Variants in JPH3 observed in about 807,000 individuals in gnomAD.
JPH3 encodes junctophilin-3.
In JPH3, 11 loss-of-function variants were observed where a neutral mutation model predicts 59.6. The observed-to-expected ratio is 0.18, with a 90% confidence interval of 0.12 to 0.31. The LOEUF (loss-of-function observed/expected upper bound fraction) is 0.31, where lower values mean the gene tolerates loss of function less well. JPH3 is among the 10% of genes least tolerant of loss of function. JPH3 has a pLI of 1.00. For synonymous variants in JPH3, 673 were observed against 483.6 expected, an observed-to-expected ratio of 1.39 and a Z score of -5.14; for missense variants, 1,202 against 1,105.7, an observed-to-expected ratio of 1.09 and a Z score of -1.24.
Position 87,690,261 on chromosome 16 carries a change from G to A in JPH3, c.1901G>A (p.Gly634Asp), listed in dbSNP as rs1383673369. Residue 634 changes from glycine to aspartate, a missense_variant, in exon 4 of 5, where the codon GGC becomes GAC. Transcript: ENST00000284262. ...HPQKRRYSKG[G>D]ACRGLGDDHR... ...CAGAAAAGACGCTACAGCAAGGGCG[G>A]CGCCTGCCGGGGCTTGGGGGACGAC... 3 of 1,602,996 alleles carry A rather than the reference G, an allele frequency of 1.9e-6. No individual in the cohort carries two copies. Among genetic ancestry groups the A allele is most frequent in the Admixed American group, 1.7e-5 (1 of 58,868 alleles).
At position 87,651,187 on chromosome 16, in the gene JPH3, C is replaced by T. The variant is rs941290774; in HGVS notation, c.1160+6152C>T. Among the ~76,000 whole-genome samples the T allele has an allele frequency of 2.0e-5, 3 of 152,280 alleles. No individual in the cohort carries two copies. In the South Asian group the frequency reaches 6.2e-4, roughly 32 times the overall value. On this transcript the variant is annotated intron_variant, in intron 2 of 4. Transcript: ENST00000284262. The stretch of plus-strand genomic sequence containing the variant: ...GGCTGCACGGCTTACAGCATGGTTT[C>T]CAGAATAGTTTTAAGCCCAGTGTTG...
At chr16:87,675,461 T>A (rs2033121080) in intron 2 of JPH3, among the ~76,000 whole-genome samples, 1 of 152,142 alleles carries the variant, frequency 6.6e-6, no homozygotes. Flanking sequence ...ATATCCAGCA[T>A]GTGGGTGTGC....
Position 87,603,005 on chromosome 16 carries a change from C to T in JPH3, c.-142C>T, listed in dbSNP as rs1555532732. 4.8e-6 allele frequency: 5 copies of T among 1,036,450 alleles called. No individual in the cohort carries two copies. Among genetic ancestry groups the T allele is most frequent in the Non-Finnish European group, 6.8e-6 (5 of 736,576 alleles). The allele number at this position is 1,036,450 out of a possible 1,614,324, so 64.2% of individuals were successfully genotyped here. On this transcript the variant is annotated 5_prime_UTR_variant, in exon 1 of 5. Coordinates refer to ENST00000284262, the MANE Select transcript of JPH3 (RefSeq NM_020655.4). ...GGAGCCGGCGCCGCGGCCGCCCGCG[C>T]CCGAGACCGCGCTCCGGGGCCGCGT...
At chr16:87,674,993 C>G (rs1017325974) in intron 2 of JPH3, among the ~76,000 whole-genome samples, 2 of 152,110 alleles carry the variant, frequency 1.3e-5, no homozygotes, top group African/African-American at 4.8e-5. Context: ...AACTCCTGAC[C>G]TCAGGTGATC....
At chr16:87,663,486 G>T (rs556013225) in intron 2 of JPH3, among the ~76,000 whole-genome samples, 126 of 152,214 alleles carry the variant, frequency 8.3e-4, no homozygotes, top group Non-Finnish European at 1.4e-3. Context: ...GTTCCAGCAT[G>T]ATTGATATAT....
chr16:87,651,736 G>T (rs2032330649), intron 2 of JPH3, among the ~76,000 whole-genome samples: 1 of 152,238 alleles, frequency 6.6e-6, no homozygotes, highest in African/African-American at 2.4e-5. Context: ...CGAGAAAATG[G>T]TTTCTTGCGA....
At chr16:87,631,397 T>TG (rs1227799476) in intron 1 of JPH3, among the ~76,000 whole-genome samples, 1 of 152,228 alleles carries the variant, frequency 6.6e-6, no homozygotes, top group Non-Finnish European at 1.5e-5. Context: ...GCTCATAATT[T>TG]GGGGCGGTGG....
intron 1 of JPH3, among the ~76,000 whole-genome samples, chr16:87,626,805 A>C (rs904789797): frequency 1.2e-4 from 19 of 152,216 alleles, no homozygotes; most frequent in African/African-American, 3.9e-4. Context: ...AGCTTCACTC[A>C]GGCACAGCTC....
chr16:87,629,837 T>C (rs972339405), intron 1 of JPH3, among the ~76,000 whole-genome samples: 19 of 152,154 alleles, frequency 1.2e-4, no homozygotes, highest in African/African-American at 3.9e-4. Context: ...TGGTTAATAA[T>C]GTATCTGTCT....
rs1177940719 is a variant in JPH3, at chr16:87,689,959, G to A, written c.1599G>A (p.Glu533=). 1.4e-6 allele frequency: 2 copies of A among 1,450,998 alleles called. No individual in the cohort carries two copies. Among genetic ancestry groups the A allele is most frequent in the Non-Finnish European group, 1.8e-6 (2 of 1,105,186 alleles). 89.9% of individuals were successfully genotyped at this position (1,450,998 alleles called of 1,614,324 possible). A position where few individuals can be genotyped will look rare whatever the true frequency, so the allele number is the denominator to read the frequency against. ...ACTGCGCCCGCAGCAGCTGGGGCGA[G>A]GAGCAGGCCGGGGGCTCCAGGGGTG... The part of the protein sequence containing the change: ...AGDCARSSWG[E]EQAGGSRGVR... Residue 533 remains glutamate (E), a synonymous_variant, in exon 4 of 5, where the codon GAG becomes GAA. Coordinates refer to ENST00000284262, the MANE Select transcript of JPH3 (RefSeq NM_020655.4).
intron 1 of JPH3, among the ~76,000 whole-genome samples, chr16:87,627,865 C>T (rs1377815188): frequency 1.3e-5 from 2 of 152,222 alleles, no homozygotes; most frequent in East Asian, 1.9e-4. Flanking sequence ...GTAACAGCAT[C>T]AGCCAGGCAC....
rs1044813402 is a variant in JPH3, at chr16:87,638,809, G to A, written c.383-5449G>A. 5.9e-5 allele frequency among the ~76,000 whole-genome samples: 9 copies of A among 152,176 alleles called. No individual in the cohort carries two copies. In the East Asian group the frequency reaches 1.2e-3, roughly 20 times the overall value. On this transcript the variant is annotated intron_variant, in intron 1 of 4. Transcript: ENST00000284262. ...TGAGAATTCAGGGACAGGACACAGC[G>A]AAGGTGCCCCAGTCCCCCTTCCTGA... is the stretch of plus-strand genomic sequence containing the variant.
chr16:87,688,546 A>T (rs1234101896), intron 3 of JPH3, among the ~76,000 whole-genome samples: 4 of 151,742 alleles, frequency 2.6e-5, no homozygotes, highest in African/African-American at 7.3e-5. Flanking sequence ...AGAATGTCCG[A>T]GCGTGAGAGA....
intron 1 of JPH3, among the ~76,000 whole-genome samples, chr16:87,629,545 GA>G (rs1038385952): frequency 6.6e-6 from 1 of 152,150 alleles, no homozygotes; most frequent in Non-Finnish European, 1.5e-5. Context: ...TGACGACGCG[GA>G]GCAGCCTTCA....
chr16:87,604,365 C>T, intron 1 of JPH3: 4 of 1,442,830 alleles, frequency 2.8e-6, no homozygotes, highest in Non-Finnish European at 3.7e-6. Context: ...TTGGCCGGCT[C>T]TGCAGCTGCC....
chr16:87,676,514 T>C (rs117186386), intron 2 of JPH3, among the ~76,000 whole-genome samples: 9,112 of 152,172 alleles, frequency 0.06, 370 homozygotes, highest in South Asian at 0.15. Flanking sequence ...CGCAGGTGGA[T>C]CACGAGGTCA....
At chr16:87,618,072 G>A (rs748850813) in intron 1 of JPH3, among the ~76,000 whole-genome samples, 27 of 152,166 alleles carry the variant, frequency 1.8e-4, no homozygotes, top group Non-Finnish European at 3.4e-4. Context: ...GCTGAGGTGG[G>A]AGAATCACTT....
At chr16:87,616,222 G>GTGTT (rs2030958891) in intron 1 of JPH3, among the ~76,000 whole-genome samples, 2 of 145,760 alleles carry the variant, frequency 1.4e-5, no homozygotes, top group Admixed American at 1.4e-4. Flanking sequence ...GTGTGTGTGT[G>GTGTT]TGTGTGTGTG....
chr16:87,635,240 G>A (rs569836808), intron 1 of JPH3, among the ~76,000 whole-genome samples: 1 of 152,332 alleles, frequency 6.6e-6, no homozygotes, highest in African/African-American at 2.4e-5. Context: ...TGGAGGTGTT[G>A]ACCTGGGGCA....
Sources: allele counts gnomAD v4.1 joint callset (sites outside exome capture counted in the v4.1 genomes callset), GRCh38; gene constraint gnomAD v4.1.1; transcripts MANE v1.5; gene names NCBI Gene and HGNC (gene_info 2026-07-23, HGNC 2026-07-21).